Variants in TOPAZ1 observed in about 807,000 individuals in gnomAD.
TOPAZ1 encodes protein TOPAZ1.
Under a neutral mutation model 172.2 loss-of-function variants are expected in TOPAZ1, and 66 were observed. The ratio of observed to expected loss-of-function variants is 0.38; its 90% CI spans 0.31 to 0.47. The LOEUF (loss-of-function observed/expected upper bound fraction) is 0.47. Ranked by LOEUF, TOPAZ1 falls within the 20% of genes least tolerant of loss-of-function variation. The pLI is 0.99. For missense variants in TOPAZ1, 1,822 were observed against 1,972.4 expected, an observed-to-expected ratio of 0.92 and a Z score of 1.44; for synonymous variants, 681 against 683.9, an observed-to-expected ratio of 1.00 and a Z score of 0.07.
intron 9 of TOPAZ1, among the ~76,000 whole-genome samples, chr3:44,283,154 A>G (rs898577592): frequency 2.5e-4 from 38 of 152,214 alleles, no homozygotes; most frequent in African/African-American, 8.9e-4. Context: ...TTTGCTTTAA[A>G]ACAATGAATG....
Position 44,256,249 on chromosome 3 carries a change from C to G in TOPAZ1, c.2926C>G (p.Gln976Glu). 1.3e-6 allele frequency: 2 copies of G among 1,529,916 alleles called. No individual in the cohort carries two copies. The highest frequency in any genetic ancestry group is 1.8e-6 in the Non-Finnish European group (2 of 1,140,898). The allele number at this position is 1,529,916 out of a possible 1,614,324, so 94.8% of individuals were successfully genotyped here. A position where few individuals can be genotyped will look rare whatever the true frequency, so the allele number is the denominator to read the frequency against. Residue 976 changes from glutamine (Q) to glutamate (E), a missense_variant, in exon 4 of 20, where the codon CAA (glutamine) becomes GAA (glutamate). Physicochemically the swap from Gln to Glu is conservative, Grantham distance 29. This residue lies in a region of TOPAZ1 where 1,489 missense variants were observed against 1,490.8 expected (regional missense o/e 1.00). Transcript: ENST00000309765. ...TGAAACACTGGGAGACTTCAGTGAACAAATAAAAGGTTCAGACTTGGATGA... is the reference window on the plus strand; with the variant it reads ...TGAAACACTGGGAGACTTCAGTGAAGAAATAAAAGGTTCAGACTTGGATGA... ...ENETLGDFSEQIKGSDLDEKH... is the reference protein window; with the variant it reads ...ENETLGDFSEEIKGSDLDEKH...
Position 44,290,622 on chromosome 3 carries a change from C to A in TOPAZ1, c.3682-149C>A, listed in dbSNP as rs1361926028. The A allele has an allele frequency of 8.8e-6, 5 of 566,260 alleles. No individual in the cohort carries two copies. In the East Asian group the frequency reaches 1.4e-4, roughly 15 times the overall value. 35.1% of individuals were successfully genotyped at this position (566,260 alleles called of 1,614,324 possible). A position where few individuals can be genotyped will look rare whatever the true frequency, so the allele number is the denominator to read the frequency against. On this transcript the variant is annotated intron_variant, in intron 11 of 19. Coordinates refer to ENST00000309765, the MANE Select transcript of TOPAZ1 (RefSeq NM_001145030.2). ...ATTCTTAGGATATCTTTTTGTGGTTCTGTGCCTCAATTTTTTTAAATGAGT... is the reference window on the plus strand; with the variant it reads ...ATTCTTAGGATATCTTTTTGTGGTTATGTGCCTCAATTTTTTTAAATGAGT...
At chr3:44,257,383 G>GTGTGTGTT (rs1553645713) in intron 4 of TOPAZ1, among the ~76,000 whole-genome samples, 54 of 136,728 alleles carry the variant, frequency 3.9e-4, no homozygotes, top group African/African-American at 1.5e-3. Context: ...GTGTGTGTGT[G>GTGTGTGTT]TGTGTGTGTG....
chr3:44,277,977 A>G (rs545251076), intron 8 of TOPAZ1, among the ~76,000 whole-genome samples: 7 of 152,336 alleles, frequency 4.6e-5, no homozygotes, highest in South Asian at 4.1e-4. Flanking sequence ...TAAATTACCC[A>G]GTCTCAGATA....
At chr3:44,245,365 C>A in intron 2 of TOPAZ1, 94 bp downstream of exon 2, 1 of 1,278,774 alleles carries the variant, frequency 7.8e-7, no homozygotes, top group Non-Finnish European at 1.0e-6. Flanking sequence ...GATATTGAAG[C>A]TCCATTATTT....
At chr3:44,256,711 T>G (rs527769743) in intron 4 of TOPAZ1, among the ~76,000 whole-genome samples, 1 of 152,292 alleles carries the variant, frequency 6.6e-6, no homozygotes, top group African/African-American at 2.4e-5. Context: ...GGATTATATA[T>G]TTATCCTTCT....
intron 19 of TOPAZ1, among the ~76,000 whole-genome samples, chr3:44,330,526 C>G (rs1006646970): frequency 1.7e-4 from 26 of 152,192 alleles, no homozygotes; most frequent in Non-Finnish European, 1.5e-5. Flanking sequence ...GCACCACCTA[C>G]CAGATTCCCG....
At chr3:44,311,505 G>A in intron 16 of TOPAZ1, among the ~76,000 whole-genome samples, 1 of 152,208 alleles carries the variant, frequency 6.6e-6, no homozygotes, top group East Asian at 1.9e-4. Context: ...GGGAGAGTTT[G>A]TGGGAGAGAT....
At chr3:44,316,379 A>T (rs1700452501) in intron 16 of TOPAZ1, among the ~76,000 whole-genome samples, 1 of 152,230 alleles carries the variant, frequency 6.6e-6, no homozygotes, top group South Asian at 2.1e-4. Context: ...AAATACAATT[A>T]TTAAAATTCT....
At chr3:44,319,545 C>T (rs531204039) in intron 16 of TOPAZ1, among the ~76,000 whole-genome samples, 7 of 152,160 alleles carry the variant, frequency 4.6e-5, no homozygotes, top group Non-Finnish European at 8.8e-5. Flanking sequence ...GAATGGTGAA[C>T]GAACAGTTTT....
At chr3:44,274,500 T>C (rs1699931415) in intron 8 of TOPAZ1, among the ~76,000 whole-genome samples, 1 of 151,060 alleles carries the variant, frequency 6.6e-6, no homozygotes, top group African/African-American at 2.4e-5. Flanking sequence ...ATTGAATATT[T>C]ACAACATGCC....
intron 17 of TOPAZ1, among the ~76,000 whole-genome samples, chr3:44,322,818 T>C (rs971954454): frequency 6.6e-6 from 1 of 152,142 alleles, no homozygotes; most frequent in Non-Finnish European, 1.5e-5. Context: ...CTTAGGAGGC[T>C]GAGGCGAGAG....
chr3:44,259,655 G>T (rs1354639859), intron 4 of TOPAZ1, among the ~76,000 whole-genome samples: 1 of 152,150 alleles, frequency 6.6e-6, no homozygotes, highest in South Asian at 2.1e-4. Flanking sequence ...AAGTGGAGTT[G>T]TCAAATTGTC....
intron 19 of TOPAZ1, among the ~76,000 whole-genome samples, chr3:44,331,332 G>A (rs1700666040): frequency 2.4e-5 from 1 of 42,342 alleles, no homozygotes; most frequent in Admixed American, 2.0e-4. Context: ...GCCATAATAT[G>A]TCTTTTTTTT....
At chr3:44,263,437 G>C (rs576927336) in intron 5 of TOPAZ1, among the ~76,000 whole-genome samples, 1 of 152,214 alleles carries the variant, frequency 6.6e-6, no homozygotes, top group African/African-American at 2.4e-5. Flanking sequence ...TCAGTCATCT[G>C]ATCAAAAATA....
At chr3:44,314,771 T>C (rs1451507660) in intron 16 of TOPAZ1, among the ~76,000 whole-genome samples, 6 of 152,128 alleles carry the variant, frequency 3.9e-5, no homozygotes, top group Admixed American at 2.6e-4. Flanking sequence ...AAAACACATA[T>C]TGCTGGACCC....
chr3:44,260,317 A>G (rs145961454), intron 4 of TOPAZ1, among the ~76,000 whole-genome samples: 2 of 152,296 alleles, frequency 1.3e-5, no homozygotes, highest in Admixed American at 6.5e-5. Flanking sequence ...AAACATATCT[A>G]TTCTTGTCAT....
intron 16 of TOPAZ1, among the ~76,000 whole-genome samples, chr3:44,320,043 A>G (rs898111287): frequency 2.0e-5 from 3 of 152,182 alleles, no homozygotes; most frequent in African/African-American, 7.2e-5. Flanking sequence ...ACATTTTAGT[A>G]CCTCAGTGTT....
At chr3:44,334,615 G>A (rs1700704751), downstream of TOPAZ1, among the ~76,000 whole-genome samples, 1 of 152,140 alleles carries the variant, frequency 6.6e-6, no homozygotes, top group Non-Finnish European at 1.5e-5. Flanking sequence ...CCAAATATTA[G>A]AGGAAGAATA....
Sources: allele counts gnomAD v4.1 joint callset (sites outside exome capture counted in the v4.1 genomes callset), GRCh38; gene constraint gnomAD v4.1.1; regional missense constraint gnomAD v4.1.1; transcripts MANE v1.5; gene names NCBI Gene and HGNC (gene_info 2026-07-23, HGNC 2026-07-21).